GALNTL6: variants seen among roughly 807,000 people sequenced by gnomAD.
GALNTL6 encodes the protein polypeptide N-acetylgalactosaminyltransferase like 6, also known as polypeptide N-acetylgalactosaminyltransferase-like 6.
A neutral mutation model predicts 73.7 loss-of-function variants in GALNTL6; 46 were observed. The ratio of observed to expected loss-of-function variants is 0.62; its 90% CI spans 0.49 to 0.80. GALNTL6 has a LOEUF of 0.80. Among genes scored for constraint, GALNTL6 ranks in the 30% least tolerant of loss-of-function variants. The pLI is 0.00. For synonymous variants in GALNTL6, 259 were observed against 263.7 expected, an observed-to-expected ratio of 0.98 and a Z score of 0.17; for missense variants, 604 against 755.0, an observed-to-expected ratio of 0.80 and a Z score of 2.34.
At chr4:172,754,948 C>T (rs1388675218) in intron 5 of GALNTL6, among the ~76,000 whole-genome samples, 2 of 152,090 alleles carry the variant, frequency 1.3e-5, no homozygotes, top group Non-Finnish European at 2.9e-5. Flanking sequence ...CTAAGCTCCT[C>T]AGTCCAACTC....
At chr4:172,783,285 A>G (rs959489837) in intron 5 of GALNTL6, among the ~76,000 whole-genome samples, 1 of 150,096 alleles carries the variant, frequency 6.7e-6, no homozygotes, top group Non-Finnish European at 1.5e-5. Flanking sequence ...ACTAAGAATC[A>G]GTTATCCTTC....
intron 5 of GALNTL6, among the ~76,000 whole-genome samples, chr4:172,400,893 G>T (rs1252401611): frequency 6.6e-6 from 1 of 152,072 alleles, no homozygotes; most frequent in Non-Finnish European, 1.5e-5. Context: ...CCTGTTTACT[G>T]AGTAATACAT....
chr4:172,241,148 T>A (rs1431699238), intron 3 of GALNTL6, among the ~76,000 whole-genome samples: 1 of 152,192 alleles, frequency 6.6e-6, no homozygotes, highest in African/African-American at 2.4e-5. Flanking sequence ...TGTGATCCAG[T>A]AGATGGTGCT....
At chr4:172,673,412 A>C (rs1732101408) in intron 5 of GALNTL6, among the ~76,000 whole-genome samples, 1 of 152,222 alleles carries the variant, frequency 6.6e-6, no homozygotes, top group Non-Finnish European at 1.5e-5. Flanking sequence ...ATTTTAGAGC[A>C]TGTACCATGT....
chr4:172,658,293 A>C (rs796567073), intron 5 of GALNTL6, among the ~76,000 whole-genome samples: 49 of 148,020 alleles, frequency 3.3e-4, no homozygotes, highest in African/African-American at 1.1e-3. Context: ...GGTGAAACCC[A>C]GTCTCTACTA....
intron 5 of GALNTL6, among the ~76,000 whole-genome samples, chr4:172,400,863 G>A (rs1744010621): frequency 6.6e-6 from 1 of 152,018 alleles, no homozygotes; most frequent in Admixed American, 6.6e-5. Context: ...CCACTCTATC[G>A]ACATCCTTGA....
At chr4:171,987,908 G>C (rs966503302) in intron 2 of GALNTL6, among the ~76,000 whole-genome samples, 1 of 152,132 alleles carries the variant, frequency 6.6e-6, no homozygotes, top group African/African-American at 2.4e-5. Context: ...TAATGTGGAA[G>C]TCGGGATTAA....
intron 5 of GALNTL6, among the ~76,000 whole-genome samples, chr4:172,724,089 C>T (rs1312057906): frequency 6.6e-6 from 1 of 152,140 alleles, no homozygotes; most frequent in Non-Finnish European, 1.5e-5. Context: ...CATGTGGGAG[C>T]AGTGTGATAT....
chr4:171,916,632 G>A (rs1737639869), intron 2 of GALNTL6, among the ~76,000 whole-genome samples: 1 of 152,126 alleles, frequency 6.6e-6, no homozygotes, highest in African/African-American at 2.4e-5. Context: ...AAGTCAAAGT[G>A]TGAAGTGAGT....
intron 2 of GALNTL6, among the ~76,000 whole-genome samples, chr4:172,121,617 A>C (rs1044456410): frequency 2.6e-5 from 4 of 152,052 alleles, no homozygotes; most frequent in African/African-American, 9.7e-5. Context: ...TTGATGAGTA[A>C]GTCAGTGTCA....
chr4:172,947,206 C>A (rs976135007), intron 9 of GALNTL6, among the ~76,000 whole-genome samples: 7 of 152,134 alleles, frequency 4.6e-5, no homozygotes, highest in Admixed American at 4.6e-4. Context: ...CCAGTTGATG[C>A]ACCGAGAGAC....
At chr4:172,432,867 C>A (rs1404546653) in intron 5 of GALNTL6, among the ~76,000 whole-genome samples, 1 of 152,072 alleles carries the variant, frequency 6.6e-6, no homozygotes, top group Non-Finnish European at 1.5e-5. Context: ...GAAGACAACA[C>A]TCTGCTGGAT....
At chr4:171,821,640 G>GATATAT (rs3080305) in intron 2 of GALNTL6, among the ~76,000 whole-genome samples, 1,481 of 146,176 alleles carry the variant, frequency 0.01, 27 homozygotes, top group South Asian at 0.045. Context: ...AGGCTTAACG[G>GATATAT]ATATATATAT....
chr4:172,862,503 C>T (rs2111139918), intron 7 of GALNTL6, among the ~76,000 whole-genome samples: 1 of 152,226 alleles, frequency 6.6e-6, no homozygotes, highest in East Asian at 1.9e-4. Context: ...TCAAGACCAG[C>T]CTGGCCAATA....
At chr4:173,014,330 C>A (rs998272120) in intron 11 of GALNTL6, among the ~76,000 whole-genome samples, 1 of 152,224 alleles carries the variant, frequency 6.6e-6, no homozygotes, top group African/African-American at 2.4e-5. Flanking sequence ...AGAACATTCC[C>A]CAGCTCCCAT....
In GALNTL6 at chr4:172,141,882, AACACACAC is replaced by A. The variant is rs200060015; in HGVS notation, c.139-87751_139-87744del. On this transcript the variant is annotated intron_variant, in intron 2 of 12. Coordinates refer to ENST00000506823, the MANE Select transcript of GALNTL6 (RefSeq NM_001034845.3). Reference sequence around the variant, plus strand: ...AGGACTAATGACAAGAACACACACAAACACACACACACACACACACACACACACACCCC... The same window carrying A: ...AGGACTAATGACAAGAACACACACAAACACACACACACACACACACACCCC... 4.6e-5 allele frequency among the ~76,000 whole-genome samples: 5 copies of A among 108,942 alleles called. No individual in the cohort carries two copies. In the South Asian group the frequency reaches 9.4e-4, roughly 20 times the overall value. The allele number at this position is 108,942 out of a possible 152,430, so 71.5% of individuals were successfully genotyped here. A position where few individuals can be genotyped will look rare whatever the true frequency, so the allele number is the denominator to read the frequency against.
chr4:172,701,920 A>G (rs558667615), intron 5 of GALNTL6, among the ~76,000 whole-genome samples: 1 of 152,250 alleles, frequency 6.6e-6, no homozygotes, highest in Non-Finnish European at 1.5e-5. Flanking sequence ...TGATTAATAT[A>G]AGCCTGAAAT....
intron 2 of GALNTL6, among the ~76,000 whole-genome samples, chr4:171,967,456 T>TGTTTG (rs1560863203): frequency 2.1e-5 from 3 of 140,792 alleles, no homozygotes; most frequent in Non-Finnish European, 1.6e-5. Context: ...GGTTTTTTTT[T>TGTTTG]TTTTTTTTTG....
intron 7 of GALNTL6, among the ~76,000 whole-genome samples, chr4:172,828,213 A>T (rs1041761163): frequency 1.3e-5 from 2 of 150,370 alleles, no homozygotes; most frequent in Non-Finnish European, 2.9e-5. Context: ...CAGAGGTTGC[A>T]GTCAGCCAAG....
Sources: allele counts gnomAD v4.1 joint callset (sites outside exome capture counted in the v4.1 genomes callset), GRCh38; gene constraint gnomAD v4.1.1; transcripts MANE v1.5; gene names NCBI Gene and HGNC (gene_info 2026-07-23, HGNC 2026-07-21).